Variants in CXCL14 observed in about 807,000 individuals in gnomAD.
The protein encoded by CXCL14 is C-X-C motif chemokine 14.
A neutral mutation model predicts 16.1 loss-of-function variants in CXCL14; 9 were observed. The observed-to-expected ratio is 0.56, with a 90% CI of 0.34 to 0.97. The LOEUF is 0.97. Among genes scored for constraint, CXCL14 ranks in the 50% least tolerant of loss-of-function variants. CXCL14 has a pLI of 0.02. For missense variants in CXCL14, 111 were observed against 132.5 expected (o/e 0.84, Z 0.80); for synonymous variants, 55 against 52.8 (o/e 1.04, Z -0.18).
intron 3 of CXCL14, among the ~76,000 whole-genome samples, chr5:135,572,536 C>T (rs149470628): frequency 3.3e-5 from 5 of 152,336 alleles, no homozygotes; most frequent in Admixed American, 6.5e-5. Flanking sequence ...CCCCTCACCT[C>T]TCAAGCTGTG....
Position 135,574,589 on chromosome 5 carries a change from G to A in CXCL14, c.267C>T (p.Ala89=), listed in dbSNP as rs755238282. 3.7e-6 allele frequency: 6 copies of A among 1,613,046 alleles called. No individual in the cohort carries two copies. The highest frequency in any genetic ancestry group is 4.2e-6 in the Non-Finnish European group (5 of 1,179,866). The change falls in exon 3 of 4, where the codon GCC becomes GCT. Residue 89 remains alanine, a synonymous_variant. Coordinates refer to ENST00000512158, the MANE Select transcript of CXCL14 (RefSeq NM_004887.5). ...STKRFIKWYN[A]WNEKRRVYEE is the part of the protein sequence containing the mutation. ...GGGCGTACCTGCGCTTCTCGTTCCA[G>A]GCGTTGTACCACTTGATGAAGCGCT...
intron 3 of CXCL14, among the ~76,000 whole-genome samples, chr5:135,572,591 C>T (rs1266449453): frequency 6.6e-6 from 1 of 152,216 alleles, no homozygotes; most frequent in African/African-American, 2.4e-5. Flanking sequence ...CCCATGGCTG[C>T]CCTGGGGCCA....
At position 135,571,622 on chromosome 5, in the gene CXCL14, A is replaced by G; in HGVS notation, c.*231T>C. 1.9e-6 allele frequency: 1 copy of G among 514,298 alleles called. No homozygotes were observed. Among genetic ancestry groups the G allele is most frequent in the Middle Eastern group, 5.0e-4 (1 of 1,990 alleles). The allele number at this position is 514,298 out of a possible 1,614,324, so 31.9% of individuals were successfully genotyped here. A position where few individuals can be genotyped will look rare whatever the true frequency, so the allele number is the denominator to read the frequency against. On this transcript the variant is annotated 3_prime_UTR_variant, in exon 4 of 4. Coordinates refer to ENST00000512158, the MANE Select transcript of CXCL14 (RefSeq NM_004887.5). ...TGTGATGAAGTCTGGAGCACAAGAG[A>G]GATGGGTCTCCCATCTGGAAGCCTT...
Position 135,571,236 on chromosome 5 carries a change from A to T in CXCL14, c.*617T>A, listed in dbSNP as rs1185019070. On this transcript the variant is annotated 3_prime_UTR_variant, in exon 4 of 4. Transcript: ENST00000512158. Reference sequence around the variant, plus strand: ...ATGTTTCCTAGGGTGTGTAAAAATTAACCAGGGGGGAATGAAGCACATTTT... The same window carrying T: ...ATGTTTCCTAGGGTGTGTAAAAATTTACCAGGGGGGAATGAAGCACATTTT... 6.6e-6 allele frequency: 1 copy of T among 152,356 alleles called. No individual in the cohort carries two copies. The highest frequency in any genetic ancestry group is 2.4e-5 in the African/African-American group (1 of 41,462). 9.4% of individuals were successfully genotyped at this position (152,356 alleles called of 1,614,324 possible).
chr5:135,571,908 G>A lies in CXCL14; in HGVS notation c.285-40C>T, dbSNP rs754077860. On this transcript the variant is annotated intron_variant, in intron 3 of 3. Transcript: ENST00000512158. ...CACATGTGTAAGTGGCTCAGGACAT[G>A]AGGCAGGCCGTTCACAAGATGCTGG... is the stretch of plus-strand genomic sequence containing the variant. 14 of 1,609,816 alleles carry A rather than the reference G, an allele frequency of 8.7e-6. No individual in the cohort carries two copies. In the South Asian group the frequency reaches 1.4e-4, roughly 16 times the overall value.
rs141734201 is a variant in CXCL14 at position 135,571,046 on chromosome 5, T to G, written c.*807A>C. On this transcript the variant is annotated 3_prime_UTR_variant, in exon 4 of 4. Transcript: ENST00000512158. ...GCTGTGTATTGCGCATGTATTCATA[T>G]ATTTTTAAGTTTTCTCCTAAGGTTT... The G allele has an allele frequency of 6.6e-6, 1 of 152,230 alleles. No homozygotes were observed. The highest frequency in any genetic ancestry group is 2.1e-4 in the South Asian group (1 of 4,834). 9.4% of individuals were successfully genotyped at this position (152,230 alleles called of 1,614,324 possible). A position where few individuals can be genotyped will look rare whatever the true frequency, so the allele number is the denominator to read the frequency against.
At chr5:135,573,667 C>T (rs1317737953) in intron 3 of CXCL14, among the ~76,000 whole-genome samples, 1 of 151,974 alleles carries the variant, frequency 6.6e-6, no homozygotes, top group Non-Finnish European at 1.5e-5. Flanking sequence ...GGTGCTGGCA[C>T]TAGTTCCTGG....
intron 3 of CXCL14, among the ~76,000 whole-genome samples, chr5:135,573,071 T>C (rs1751049909): frequency 6.6e-6 from 1 of 151,620 alleles, no homozygotes; most frequent in East Asian, 1.9e-4. Flanking sequence ...TGTTTAGACC[T>C]GTGGGTGCCT....
Position 135,571,821 on chromosome 5 carries a change from G to A in CXCL14, c.*32C>T, listed in dbSNP as rs1580692854. ...GTCCTTTGCACAAGTCTCCCAACTG[G>A]TTTGGAGTTTTCCCTTCTGAGGTTT... is the stretch of plus-strand genomic sequence containing the variant. On this transcript the variant is annotated 3_prime_UTR_variant, in exon 4 of 4. Coordinates refer to ENST00000512158, the MANE Select transcript of CXCL14 (RefSeq NM_004887.5). 4.3e-6 allele frequency: 6 copies of A among 1,401,552 alleles called. No individual in the cohort carries two copies. Among genetic ancestry groups the A allele is most frequent in the South Asian group, 1.1e-5 (1 of 87,184 alleles). 86.8% of individuals were successfully genotyped at this position (1,401,552 alleles called of 1,614,324 possible).
rs114338369 is a variant in CXCL14, at chr5:135,572,800, C to T, written c.285-932G>A. ...CCTGAGCCCACCGTATACCCTTCTACTTCCTCCAACCTAGCTTTGGCATTC... is the reference window on the plus strand; with the variant it reads ...CCTGAGCCCACCGTATACCCTTCTATTTCCTCCAACCTAGCTTTGGCATTC... On this transcript the variant is annotated intron_variant, in intron 3 of 3. Coordinates refer to ENST00000512158, the MANE Select transcript of CXCL14 (RefSeq NM_004887.5). Among the ~76,000 whole-genome samples, 1,058 of 152,356 alleles carry T rather than the reference C, an allele frequency of 6.9e-3. 8 individuals carry two copies. The highest frequency in any genetic ancestry group is 0.024 in the African/African-American group (999 of 41,580).
chr5:135,576,751 C>A (rs1751104666), intron 2 of CXCL14, among the ~76,000 whole-genome samples: 1 of 149,458 alleles, frequency 6.7e-6, no homozygotes, highest in South Asian at 2.1e-4. Context: ...CCTACTCCTG[C>A]CCCCACCCCC....
At chr5:135,577,655 C>T (rs1167722288) in intron 2 of CXCL14, among the ~76,000 whole-genome samples, 4 of 152,190 alleles carry the variant, frequency 2.6e-5, no homozygotes, top group East Asian at 3.8e-4. Context: ...ATTTGGTAGC[C>T]GCTTTGCCAA....
intron 2 of CXCL14, among the ~76,000 whole-genome samples, chr5:135,578,024 G>T (rs1275128320): frequency 6.6e-6 from 1 of 152,234 alleles, no homozygotes. Flanking sequence ...GTTTGCATTA[G>T]TCCTCTATCC....
At chr5:135,574,738 C>T (rs1751074627) in intron 2 of CXCL14, 53 bp from the exon 3 acceptor site, 4 of 1,450,108 alleles carry the variant, frequency 2.8e-6, no homozygotes, top group Non-Finnish European at 1.9e-6. Context: ...TAACATGTTG[C>T]CTCTTGTGTG....
At chr5:135,573,566 A>G (rs1472549154) in intron 3 of CXCL14, among the ~76,000 whole-genome samples, 1 of 152,112 alleles carries the variant, frequency 6.6e-6, no homozygotes, top group Non-Finnish European at 1.5e-5. Context: ...TAGCACCAGG[A>G]GGCCTGGTTT....
rs904114199 is a variant in CXCL14, at chr5:135,571,628, G to A, written c.*225C>T. 1 of 518,438 alleles carries A rather than the reference G, an allele frequency of 1.9e-6. No homozygotes were observed. Among genetic ancestry groups the A allele is most frequent in the Non-Finnish European group, 3.4e-6 (1 of 296,122 alleles). The allele number at this position is 518,438 out of a possible 1,614,324, so 32.1% of individuals were successfully genotyped here. ...GAAGTCTGGAGCACAAGAGAGATGG[G>A]TCTCCCATCTGGAAGCCTTTCGCAC... On this transcript the variant is annotated 3_prime_UTR_variant, in exon 4 of 4. Coordinates refer to ENST00000512158, the MANE Select transcript of CXCL14 (RefSeq NM_004887.5).
In CXCL14 at chr5:135,571,855, A is replaced by G; in HGVS notation, c.298T>C (p.Ter100GlnextTer23). The G allele has an allele frequency of 6.3e-7, 1 of 1,586,902 alleles. No homozygotes were observed. Among genetic ancestry groups the G allele is most frequent in the African/African-American group, 1.4e-5 (1 of 69,270 alleles). ...WNEKRRVYEE[*>Q] ...TTTCCCTTCTGAGGTTTTTCACCCTATTCTTCGTAGACCCTGGGGAGAAAA... is the reference window on the plus strand; with the variant it reads ...TTTCCCTTCTGAGGTTTTTCACCCTGTTCTTCGTAGACCCTGGGGAGAAAA... Residue 100 changes from the stop codon to glutamine, a stop_lost, in exon 4 of 4, where the codon TAG becomes CAG. Coordinates refer to ENST00000512158, the MANE Select transcript of CXCL14 (RefSeq NM_004887.5).
chr5:135,574,768 C>A, intron 2 of CXCL14, 83 bp from the exon 3 acceptor site: 1 of 1,159,228 alleles, frequency 8.6e-7, no homozygotes, highest in Non-Finnish European at 1.3e-6. Flanking sequence ...TAGCCCTGGG[C>A]TAAGTCAGGG....
chr5:135,574,718 G>C, intron 2 of CXCL14, 33 bp from the exon 3 acceptor site: 1 of 1,551,858 alleles, frequency 6.4e-7, no homozygotes, highest in South Asian at 1.1e-5. Flanking sequence ...GGAGGGTTGA[G>C]GAGCCTGAAT....
Sources: gnomAD v4.1 joint callset for allele counts (sites outside exome capture counted in the v4.1 genomes callset) on GRCh38, gnomAD v4.1.1 for gene constraint, MANE v1.5 for transcripts, NCBI Gene and HGNC (gene_info 2026-07-23, HGNC 2026-07-21) for gene names.